The following GNAO1 variants were observed in gnomAD, a reference collection of about 807,000 sequenced individuals.
GNAO1 encodes G protein subunit alpha o1, also known as guanine nucleotide-binding protein G(o) subunit alpha.
For synonymous variants in GNAO1, 164 were observed against 180.7 expected (o/e 0.91, Z 0.74); for missense variants, 166 against 478.7 (o/e 0.35, Z 6.10).
At chr16:56,336,905 CGGCCGCAGGATA>C (rs2037745806) in intron 6 of GNAO1, 45 bp downstream of exon 6, 1 of 1,569,242 alleles carries the variant, frequency 6.4e-7, no homozygotes, top group Non-Finnish European at 8.6e-7. Flanking sequence ...GCTGAGGAGA[CGGCCGCAGGATA>C]GGCCAGCCCT....
Position 56,272,224 on chromosome 16 carries a change from G to A in GNAO1, c.162-3707G>A, listed in dbSNP as rs193019191. Among the ~76,000 whole-genome samples, 109 of 152,224 alleles carry A rather than the reference G, an allele frequency of 7.2e-4. No individual in the cohort carries two copies. The East Asian group carries it at 8.7e-3, about 12-fold the overall frequency. On this transcript the variant is annotated intron_variant, in intron 2 of 8. Coordinates refer to ENST00000262493, the MANE Select transcript of GNAO1 (RefSeq NM_020988.3). ...CTTGGGAGGCTGAGGCAGGAGAATG[G>A]CATGAACCAAGGAGGCAGAGCTTGC...
intron 3 of GNAO1, among the ~76,000 whole-genome samples, chr16:56,316,923 G>A (rs1221793543): frequency 2.6e-5 from 4 of 152,198 alleles, no homozygotes; most frequent in African/African-American, 9.7e-5. Context: ...GGTGGTTTCT[G>A]GGTGAAAACT....
intron 2 of GNAO1, among the ~76,000 whole-genome samples, chr16:56,201,239 A>T (rs1298992766): frequency 6.6e-6 from 1 of 152,232 alleles, no homozygotes; most frequent in Non-Finnish European, 1.5e-5. Context: ...AGACAATGGC[A>T]TGTGAACTGA....
At chr16:56,298,159 G>A (rs1224469468) in intron 3 of GNAO1, among the ~76,000 whole-genome samples, 1 of 152,174 alleles carries the variant, frequency 6.6e-6, no homozygotes, top group Non-Finnish European at 1.5e-5. Context: ...GCAACAGGGC[G>A]AGACCCTGTC....
At chr16:56,213,467 G>C (rs2036409276) in intron 2 of GNAO1, 1 of 396,268 alleles carries the variant, frequency 2.5e-6, no homozygotes, top group South Asian at 1.4e-4. Flanking sequence ...GCAGGCAAGG[G>C]GCATGAGCGG....
chr16:56,309,581 A>G (rs138355989), intron 3 of GNAO1, among the ~76,000 whole-genome samples: 10 of 152,366 alleles, frequency 6.6e-5, no homozygotes, highest in Non-Finnish European at 1.2e-4. Flanking sequence ...GCATGACCAG[A>G]TCACTGCCGC....
At chr16:56,198,788 G>C (rs564829997) in intron 2 of GNAO1, among the ~76,000 whole-genome samples, 114 of 152,322 alleles carry the variant, frequency 7.5e-4, no homozygotes, top group African/African-American at 2.7e-3. Flanking sequence ...CTCTTGTCAA[G>C]TAAGTATGTG....
chr16:56,332,377 T>TCC, intron 4 of GNAO1, among the ~76,000 whole-genome samples: 2 of 152,108 alleles, frequency 1.3e-5, no homozygotes, highest in Non-Finnish European at 2.9e-5. Flanking sequence ...GAGGCCCACT[T>TCC]GCTCCCTCAT....
chr16:56,354,136 T>C lies in GNAO1; in HGVS notation c.878-730T>C, dbSNP rs537096024. 3.1e-4 allele frequency among the ~76,000 whole-genome samples: 47 copies of C among 152,324 alleles called. No individual in the cohort carries two copies. The highest frequency in any genetic ancestry group is 1.1e-3 in the African/African-American group (44 of 41,576). On this transcript the variant is annotated intron_variant, in intron 7 of 8. Coordinates refer to ENST00000262493, the MANE Select transcript of GNAO1 (RefSeq NM_020988.3). The surrounding 1 kb of genome is among the most constrained non-coding windows in gnomAD (Gnocchi z 4.3). ...CACCACCCTCTTGGGCAGGCCCCTC[T>C]CCAGACTTTGTTTTCATGGTTTACT...
intron 2 of GNAO1, among the ~76,000 whole-genome samples, chr16:56,261,196 G>A (rs1216345515): frequency 1.3e-5 from 2 of 152,226 alleles, no homozygotes; most frequent in African/African-American, 2.4e-5. Flanking sequence ...CAGAGGACAT[G>A]AGAAATCATG....
At chr16:56,216,656 T>C (rs561313777) in intron 2 of GNAO1, among the ~76,000 whole-genome samples, 1 of 152,320 alleles carries the variant, frequency 6.6e-6, no homozygotes, top group Non-Finnish European at 1.5e-5. Flanking sequence ...AATGATATAA[T>C]GGATGTGAAA....
At chr16:56,252,993 C>G (rs1465065162) in intron 2 of GNAO1, among the ~76,000 whole-genome samples, 1 of 152,252 alleles carries the variant, frequency 6.6e-6, no homozygotes, top group African/African-American at 2.4e-5. Flanking sequence ...CTGATGCACT[C>G]ACATTGCTTG....
At chr16:56,224,617 AC>A (rs1410331877) in intron 2 of GNAO1, among the ~76,000 whole-genome samples, 1 of 152,170 alleles carries the variant, frequency 6.6e-6, no homozygotes, top group Non-Finnish European at 1.5e-5. Context: ...AGTAGCTGTG[AC>A]TACAGCGTGC....
At chr16:56,205,409 A>G (rs2036318137) in intron 2 of GNAO1, among the ~76,000 whole-genome samples, 1 of 152,192 alleles carries the variant, frequency 6.6e-6, no homozygotes, top group African/African-American at 2.4e-5. Context: ...GACAAGCCTG[A>G]GGGCACCAGT....
chr16:56,304,555 C>T (rs2037375773), intron 3 of GNAO1, among the ~76,000 whole-genome samples: 2 of 152,086 alleles, frequency 1.3e-5, no homozygotes, highest in South Asian at 4.2e-4. Context: ...GGACAAGAGC[C>T]CATAATTACA....
intron 3 of GNAO1, chr16:56,307,332 A>G (rs2037407632): frequency 1.3e-5 from 2 of 152,224 alleles, no homozygotes; most frequent in Non-Finnish European, 2.9e-5. Flanking sequence ...GTAGGGAGAT[A>G]TGGCAGCCAG....
At position 56,203,758 on chromosome 16, in the gene GNAO1, C is replaced by G. The variant is rs57437205; in HGVS notation, c.161+11142C>G. 6.4e-3 allele frequency among the ~76,000 whole-genome samples: 970 copies of G among 152,254 alleles called. 4 individuals are homozygous for G. The highest frequency in any genetic ancestry group is 0.012 in the Admixed American group (178 of 15,300). On this transcript the variant is annotated intron_variant, in intron 2 of 8. Transcript: ENST00000262493. The stretch of plus-strand genomic sequence containing the variant: ...ACGCTGACGAAAAGCACAAGGCCTT[C>G]CAGGATCTGAACAACTAGTATGAGC...
chr16:56,330,189 G>A (rs988375411), intron 4 of GNAO1, among the ~76,000 whole-genome samples: 1 of 152,226 alleles, frequency 6.6e-6, no homozygotes, highest in African/African-American at 2.4e-5. Context: ...TGAGCTCCCA[G>A]GGACACCCTG....
intron 2 of GNAO1, among the ~76,000 whole-genome samples, chr16:56,205,228 G>A (rs532576494): frequency 1.3e-5 from 2 of 152,344 alleles, no homozygotes; most frequent in South Asian, 2.1e-4. Context: ...CTGTTCCACA[G>A]GGAGAAGTGC....
Sources: gnomAD v4.1 joint callset for allele counts (sites outside exome capture counted in the v4.1 genomes callset) on GRCh38, gnomAD v4.1.1 for gene constraint, Gnocchi (gnomAD v3.1) non-coding constraint, MANE v1.5 for transcripts, NCBI Gene and HGNC (gene_info 2026-07-23, HGNC 2026-07-21) for gene names.